Variants in UHRF2 observed in about 807,000 individuals in gnomAD.
UHRF2 encodes the protein ubiquitin like with PHD and ring finger domains 2.
Under a neutral mutation model 96.8 loss-of-function variants are expected in UHRF2, and 23 were observed. That is an observed-to-expected ratio of 0.24 (90% CI 0.17 to 0.34). UHRF2 has a LOEUF of 0.34. Among genes scored for constraint, UHRF2 ranks in the 10% least tolerant of loss-of-function variants. The probability of loss-of-function intolerance (pLI) is 1.00; values close to 1 mark genes in which losing one functional copy is unlikely to be tolerated. For missense variants in UHRF2, 685 were observed against 981.5 expected, an observed-to-expected ratio of 0.70 and a Z score of 4.04; for synonymous variants, 385 against 332.6, an observed-to-expected ratio of 1.16 and a Z score of -1.72.
intron 3 of UHRF2, among the ~76,000 whole-genome samples, chr9:6,437,242 A>T (rs1278608351): frequency 6.6e-6 from 1 of 152,184 alleles, no homozygotes; most frequent in East Asian, 1.9e-4. Flanking sequence ...TTTTATTATT[A>T]TTATTTTTTA....
intron 8 of UHRF2, among the ~76,000 whole-genome samples, chr9:6,483,384 A>G (rs1478090561): frequency 2.6e-5 from 4 of 151,796 alleles, no homozygotes; most frequent in South Asian, 2.1e-4. Flanking sequence ...CATATAACCT[A>G]TGCACATCCT....
chr9:6,473,709 G>T (rs1416564926), intron 4 of UHRF2, among the ~76,000 whole-genome samples: 5 of 152,178 alleles, frequency 3.3e-5, no homozygotes, highest in Admixed American at 6.5e-5. Context: ...ATGGGGGCCA[G>T]ATGGTCTGTC....
intron 1 of UHRF2, among the ~76,000 whole-genome samples, chr9:6,414,371 CTG>C (rs1563734700): frequency 6.6e-6 from 1 of 152,168 alleles, no homozygotes; most frequent in Non-Finnish European, 1.5e-5. Flanking sequence ...GAGTGTAAGA[CTG>C]TTTGCTTTTC....
intron 3 of UHRF2, among the ~76,000 whole-genome samples, chr9:6,451,988 G>C (rs1259515683): frequency 6.6e-6 from 1 of 151,834 alleles, no homozygotes; most frequent in African/African-American, 2.4e-5. Context: ...ATATGCATTT[G>C]TATATATGCC....
chr9:6,505,840 C>T (rs1481251219), intron 15 of UHRF2, among the ~76,000 whole-genome samples, 193 bp from the exon 16 acceptor site: 1 of 152,140 alleles, frequency 6.6e-6, no homozygotes, highest in African/African-American at 2.4e-5. Flanking sequence ...CTGAAGGCTC[C>T]CAATATCTGC....
chr9:6,455,627 T>C (rs1359366062), intron 3 of UHRF2, among the ~76,000 whole-genome samples: 1 of 152,182 alleles, frequency 6.6e-6, no homozygotes, highest in East Asian at 1.9e-4. Flanking sequence ...CTTAATTTTA[T>C]AGAAGCCAGT....
intron 2 of UHRF2, among the ~76,000 whole-genome samples, chr9:6,425,774 A>G (rs376906799): frequency 3.1e-3 from 1 of 320 alleles, no homozygotes; most frequent in South Asian, 0.17. Flanking sequence ...TAAATAAATT[A>G]AAAAAAAAAA....
chr9:6,482,679 C>G lies in UHRF2; in HGVS notation c.1392+580C>G, dbSNP rs552584702. On this transcript the variant is annotated intron_variant, in intron 8 of 15. Coordinates refer to ENST00000276893, the MANE Select transcript of UHRF2 (RefSeq NM_152896.3). ...TGGTGCGATCTCAGCTCACTGCAAG[C>G]TCTGCCTCGTGGGTTCACGCCATTC... 3.3e-5 allele frequency among the ~76,000 whole-genome samples: 5 copies of G among 151,210 alleles called. No individual in the cohort carries two copies. The East Asian group carries it at 9.8e-4, about 30-fold the overall frequency.
intron 3 of UHRF2, among the ~76,000 whole-genome samples, chr9:6,458,105 C>G (rs976122524): frequency 2.0e-5 from 3 of 152,174 alleles, no homozygotes; most frequent in South Asian, 2.1e-4. Context: ...CTTTGTACCT[C>G]TGGTAGAATT....
At position 6,413,346 on chromosome 9, in the gene UHRF2, C is replaced by T; in HGVS notation, c.-145C>T. ...TGAGAGTCGTCGCCGCCTGTCGGGC[C>T]CGGCGTCCGGTCGGTCCGGTGGGCG... On this transcript the variant is annotated 5_prime_UTR_variant, in exon 1 of 16. Coordinates refer to ENST00000276893, the MANE Select transcript of UHRF2 (RefSeq NM_152896.3). The T allele has an allele frequency of 2.5e-6, 2 of 790,538 alleles. No homozygotes were observed. The highest frequency in any genetic ancestry group is 5.6e-5 in the East Asian group (1 of 17,988). 49.0% of individuals were successfully genotyped at this position (790,538 alleles called of 1,614,324 possible).
At chr9:6,460,875 T>A in intron 4 of UHRF2, 84 bp downstream of exon 4, 1 of 1,063,948 alleles carries the variant, frequency 9.4e-7, no homozygotes, top group Non-Finnish European at 1.3e-6. Flanking sequence ...TGTACCTTAG[T>A]AAAAAAAGAT....
In UHRF2 at chr9:6,452,955, T is replaced by C. The variant is rs1006211224; in HGVS notation, c.645-7618T>C. Among the ~76,000 whole-genome samples the C allele has an allele frequency of 1.3e-5, 2 of 152,200 alleles. 1 individual carries two copies. Among genetic ancestry groups the C allele is most frequent in the Admixed American group, 1.3e-4 (2 of 15,282 alleles). ...TGAGCGCATAATAGGTTCCCGACTTTAAGAGTAGTTTTATGTTCCTTTTCT... is the reference window on the plus strand; with the variant it reads ...TGAGCGCATAATAGGTTCCCGACTTCAAGAGTAGTTTTATGTTCCTTTTCT... On this transcript the variant is annotated intron_variant, in intron 3 of 15. Coordinates refer to ENST00000276893, the MANE Select transcript of UHRF2 (RefSeq NM_152896.3).
chr9:6,499,769 A>G (rs891636443), intron 12 of UHRF2, 66 bp from the exon 13 acceptor site: 2 of 1,066,174 alleles, frequency 1.9e-6, no homozygotes, highest in Non-Finnish European at 1.3e-6. Context: ...TCTCACCAGG[A>G]TCTAAACCCC....
chr9:6,438,429 A>C (rs1426953515), intron 3 of UHRF2, among the ~76,000 whole-genome samples: 1 of 152,256 alleles, frequency 6.6e-6, no homozygotes, highest in Non-Finnish European at 1.5e-5. Context: ...TTGTACTTTA[A>C]CTAAATAGGC....
chr9:6,441,040 C>A (rs1414435349), intron 3 of UHRF2, among the ~76,000 whole-genome samples: 1 of 152,172 alleles, frequency 6.6e-6, no homozygotes, highest in Admixed American at 6.5e-5. Flanking sequence ...CATTGATTCT[C>A]AAAATAATGG....
chr9:6,445,981 C>CTTTGTTT (rs751155835), intron 3 of UHRF2, among the ~76,000 whole-genome samples: 26 of 78,886 alleles, frequency 3.3e-4, no homozygotes, highest in East Asian at 1.1e-3. Context: ...CCCCGCCACC[C>CTTTGTTT]TTTTTTTTTT....
chr9:6,457,303 CTGTT>C (rs1406883047), intron 3 of UHRF2, among the ~76,000 whole-genome samples: 4 of 152,094 alleles, frequency 2.6e-5, no homozygotes, highest in Non-Finnish European at 2.9e-5. Flanking sequence ...ATTTGGCTCT[CTGTT>C]TGTCTGTTAT....
intron 15 of UHRF2, among the ~76,000 whole-genome samples, 183 bp downstream of exon 15, chr9:6,504,874 T>C (rs1380172722): frequency 6.6e-6 from 1 of 152,222 alleles, no homozygotes; most frequent in Admixed American, 6.5e-5. Context: ...GTGATAATAA[T>C]TCAAATATGT....
At chr9:6,470,573 A>G (rs1237584104) in intron 4 of UHRF2, among the ~76,000 whole-genome samples, 1 of 152,176 alleles carries the variant, frequency 6.6e-6, no homozygotes, top group African/African-American at 2.4e-5. Context: ...AAGAGCAGGG[A>G]AAGGGTAAAT....
Sources: gnomAD v4.1 joint callset for allele counts (sites outside exome capture counted in the v4.1 genomes callset) on GRCh38, gnomAD v4.1.1 for gene constraint, MANE v1.5 for transcripts, NCBI Gene and HGNC (gene_info 2026-07-23, HGNC 2026-07-21) for gene names.